PARN: variants seen among roughly 807,000 people sequenced by gnomAD.
The protein encoded by PARN is poly(A)-specific ribonuclease.
Under a neutral mutation model 102.8 loss-of-function variants are expected in PARN, and 71 were observed. The observed-to-expected ratio is 0.69, with a 90% CI of 0.57 to 0.84. The LOEUF (loss-of-function observed/expected upper bound fraction) is 0.84. Among genes scored for constraint, PARN ranks in the 40% least tolerant of loss-of-function variants. PARN has a pLI of 0.00. For synonymous variants in PARN, 261 were observed against 252.9 expected, an observed-to-expected ratio of 1.03 and a Z score of -0.30; for missense variants, 782 against 760.9, an observed-to-expected ratio of 1.03 and a Z score of -0.33.
intron 21 of PARN, among the ~76,000 whole-genome samples, chr16:14,512,272 C>T (rs959139739): frequency 2.0e-5 from 3 of 152,146 alleles, no homozygotes; most frequent in Non-Finnish European, 2.9e-5. Context: ...GAGGCTGAGG[C>T]AGGCAGATTG....
At chr16:14,590,196 C>T (rs1360030729) in intron 13 of PARN, among the ~76,000 whole-genome samples, 1 of 123,292 alleles carries the variant, frequency 8.1e-6, no homozygotes, top group Non-Finnish European at 1.6e-5. Context: ...GATCGCACCA[C>T]TGCACTCCAG....
chr16:14,538,713 C>A (rs919349618), intron 21 of PARN, among the ~76,000 whole-genome samples: 3 of 152,202 alleles, frequency 2.0e-5, no homozygotes, highest in African/African-American at 7.2e-5. Flanking sequence ...AGTCGCCAAT[C>A]TGTACTGATC....
chr16:14,533,381 CAGAGGGAGACCGTGGAAAG>C (rs1417344036), intron 21 of PARN, among the ~76,000 whole-genome samples: 6 of 138,246 alleles, frequency 4.3e-5, no homozygotes, highest in African/African-American at 5.4e-5. Flanking sequence ...GGCTTGGCAT[CAGAGGGAGACCGTGGAAAG>C]AGAGGGAGAC....
At chr16:14,475,771 C>T (rs1021924332) in intron 22 of PARN, among the ~76,000 whole-genome samples, 4 of 152,210 alleles carry the variant, frequency 2.6e-5, no homozygotes, top group African/African-American at 4.8e-5. Context: ...AAATCTTAAT[C>T]GTACCTTTCT....
At chr16:14,586,466 T>C (rs950652703) in intron 13 of PARN, 105 bp from the exon 14 acceptor site, 1 of 683,146 alleles carries the variant, frequency 1.5e-6, no homozygotes, top group Non-Finnish European at 2.6e-6. Flanking sequence ...AAACAAGCTG[T>C]TGGGGCCCTT....
chr16:14,559,639 T>A (rs1487945825), intron 18 of PARN, among the ~76,000 whole-genome samples: 1 of 151,928 alleles, frequency 6.6e-6, no homozygotes, highest in African/African-American at 2.4e-5. Flanking sequence ...ATCAAATAGG[T>A]CTTATTCATT....
intron 22 of PARN, among the ~76,000 whole-genome samples, chr16:14,465,192 C>T (rs939610715): frequency 6.6e-6 from 1 of 152,102 alleles, no homozygotes; most frequent in Admixed American, 6.5e-5. Context: ...CTCAGCTTCC[C>T]GAGTAGCTGG....
At chr16:14,592,852 T>A (rs942207703) in intron 13 of PARN, among the ~76,000 whole-genome samples, 1 of 152,112 alleles carries the variant, frequency 6.6e-6, no homozygotes, top group African/African-American at 2.4e-5. Flanking sequence ...ATAAAAAAGT[T>A]TGTGGCCAGG....
chr16:14,505,161 T>A (rs563389507), intron 21 of PARN, among the ~76,000 whole-genome samples: 1 of 152,368 alleles, frequency 6.6e-6, no homozygotes, highest in Non-Finnish European at 1.5e-5. Flanking sequence ...AAGTGAAATC[T>A]GGCAATCTTA....
At chr16:14,450,200 CA>C (rs919813201) in intron 22 of PARN, among the ~76,000 whole-genome samples, 34 of 152,230 alleles carry the variant, frequency 2.2e-4, no homozygotes, top group African/African-American at 8.2e-4. Context: ...GTGCAAAAAG[CA>C]AAGTGCAAAA....
rs145803765 is a variant in PARN, at chr16:14,482,528, A to G, written c.1670+110T>C. On this transcript the variant is annotated intron_variant, in intron 22 of 23. Transcript: ENST00000437198. ...TTCTGATATGATGTGAAAAGTTGAAAGGCCATCTTTCCCAAAAGTCAGATT... is the reference window on the plus strand; with the variant it reads ...TTCTGATATGATGTGAAAAGTTGAAGGGCCATCTTTCCCAAAAGTCAGATT... 2.8e-4 allele frequency: 219 copies of G among 788,854 alleles called. 1 individual carries two copies. In the East Asian group the frequency reaches 5.0e-3, roughly 18 times the overall value. 48.9% of individuals were successfully genotyped at this position (788,854 alleles called of 1,614,324 possible).
chr16:14,498,735 T>C (rs1964442186), intron 21 of PARN, among the ~76,000 whole-genome samples: 1 of 152,224 alleles, frequency 6.6e-6, no homozygotes, highest in African/African-American at 2.4e-5. Context: ...CTCCAGACTA[T>C]GGGTTGCCTT....
intron 23 of PARN, 68 bp from the exon 24 acceptor site, chr16:14,436,840 G>T: frequency 8.8e-7 from 1 of 1,142,674 alleles, no homozygotes; most frequent in South Asian, 1.3e-5. Context: ...AGCATGACAT[G>T]ACCAGCAGAC....
intron 18 of PARN, among the ~76,000 whole-genome samples, chr16:14,559,885 G>A (rs1211464773): frequency 6.6e-6 from 1 of 152,188 alleles, no homozygotes; most frequent in Non-Finnish European, 1.5e-5. Flanking sequence ...TGCGGCTCTG[G>A]AGAGCGCCAC....
chr16:14,466,582 C>T (rs1434873889), intron 22 of PARN, among the ~76,000 whole-genome samples: 1 of 152,182 alleles, frequency 6.6e-6, no homozygotes, highest in Non-Finnish European at 1.5e-5. Context: ...CCATGTTTAT[C>T]AGGTAACATT....
chr16:14,592,229 T>C lies in PARN; in HGVS notation c.918+1072A>G, dbSNP rs576797467. 2.0e-5 allele frequency among the ~76,000 whole-genome samples: 3 copies of C among 152,228 alleles called. No homozygotes were observed. The East Asian group carries it at 5.8e-4, about 29-fold the overall frequency. Reference sequence around the variant, plus strand: ...TGGAGACAGTAAGAAAGAAAAGAAGTACAAGTTAAATATCTCATTTGAGCC... The same window carrying C: ...TGGAGACAGTAAGAAAGAAAAGAAGCACAAGTTAAATATCTCATTTGAGCC... On this transcript the variant is annotated intron_variant, in intron 13 of 23. Transcript: ENST00000437198.
At chr16:14,587,906 G>A (rs906507013) in intron 13 of PARN, among the ~76,000 whole-genome samples, 2 of 152,188 alleles carry the variant, frequency 1.3e-5, no homozygotes, top group African/African-American at 4.8e-5. Flanking sequence ...CATACAATGT[G>A]TTAAGTCAGG....
chr16:14,526,467 G>A (rs935018286), intron 21 of PARN, among the ~76,000 whole-genome samples: 1 of 152,010 alleles, frequency 6.6e-6, no homozygotes, highest in East Asian at 1.9e-4. Context: ...ATGAGCCACC[G>A]TGCCCGGCCT....
At chr16:14,622,974 T>A (rs1972412689) in intron 5 of PARN, among the ~76,000 whole-genome samples, 1 of 151,708 alleles carries the variant, frequency 6.6e-6, no homozygotes, top group Non-Finnish European at 1.5e-5. Context: ...CATGGTGGCA[T>A]GTGCCTGTAG....
Sources: gnomAD v4.1 joint callset for allele counts (sites outside exome capture counted in the v4.1 genomes callset) on GRCh38, gnomAD v4.1.1 for gene constraint, MANE v1.5 for transcripts, NCBI Gene and HGNC (gene_info 2026-07-23, HGNC 2026-07-21) for gene names.